Variants in MYO5B observed in about 807,000 individuals in gnomAD.
MYO5B encodes the protein myosin VB, also known as unconventional myosin-Vb.
Under a neutral mutation model 229.3 loss-of-function variants are expected in MYO5B, and 143 were observed. The ratio of observed to expected loss-of-function variants is 0.62; its 90% CI spans 0.54 to 0.72. The LOEUF (loss-of-function observed/expected upper bound fraction) is 0.72. MYO5B is among the 30% of genes least tolerant of loss of function. The pLI is 0.00. For synonymous variants in MYO5B, 918 were observed against 885.2 expected (o/e 1.04, Z -0.66); for missense variants, 2,321 against 2,331.0 (o/e 1.00, Z 0.09).
At chr18:50,045,114 C>T (rs1371348143) in intron 2 of MYO5B, among the ~76,000 whole-genome samples, 3 of 152,056 alleles carry the variant, frequency 2.0e-5, no homozygotes, top group African/African-American at 4.8e-5. Flanking sequence ...GACATTGTCA[C>T]GGTTAAGAGT....
Position 49,980,469 on chromosome 18 carries a change from C to T in MYO5B, c.1031G>A (p.Arg344His), listed in dbSNP as rs189027956. 1.4e-3 allele frequency: 2,228 copies of T among 1,613,206 alleles called. 14 individuals carry two copies. The highest frequency in any genetic ancestry group is 9.6e-3 in the Middle Eastern group (58 of 6,062). ...TGATATACTACAGGAATCACCATCA[C>T]GCTCAGCCTGAATCGCCACACTTCC... ...HLGSVAIQAE[R>H]DGDSCSISPQ... is the part of the protein sequence containing the mutation. Residue 344 changes from arginine (R) to histidine (H), a missense_variant, in exon 9 of 40, where the codon CGT becomes CAT. Around this residue, in one of 2 missense-constraint regions of MYO5B, gnomAD observed 2,113 missense variants for 2,044.7 expected, o/e 1.03. Coordinates refer to ENST00000285039, the MANE Select transcript of MYO5B (RefSeq NM_001080467.3).
chr18:50,016,670 C>T (rs1480917887), intron 4 of MYO5B, among the ~76,000 whole-genome samples: 1 of 152,118 alleles, frequency 6.6e-6, no homozygotes, highest in Non-Finnish European at 1.5e-5. Flanking sequence ...AGATGTAATT[C>T]ATATATCATA....
At chr18:50,119,561 A>G (rs978442626) in intron 1 of MYO5B, among the ~76,000 whole-genome samples, 1 of 152,196 alleles carries the variant, frequency 6.6e-6, no homozygotes, top group African/African-American at 2.4e-5. Context: ...CCTCATCCTG[A>G]AGATGAGAAA....
At chr18:50,050,193 C>G (rs2030355174) in intron 2 of MYO5B, among the ~76,000 whole-genome samples, 1 of 152,102 alleles carries the variant, frequency 6.6e-6, no homozygotes, top group Non-Finnish European at 1.5e-5. Context: ...ACTAAAATGG[C>G]CAGCTAAAAG....
At chr18:50,018,155 G>A (rs1268658661) in intron 4 of MYO5B, among the ~76,000 whole-genome samples, 2 of 152,166 alleles carry the variant, frequency 1.3e-5, no homozygotes, top group Non-Finnish European at 2.9e-5. Context: ...TGTGGTCATA[G>A]CTCACCACAG....
At chr18:49,902,174 GA>G (rs2024848900) in intron 21 of MYO5B, among the ~76,000 whole-genome samples, 2 of 152,194 alleles carry the variant, frequency 1.3e-5, no homozygotes, top group Non-Finnish European at 2.9e-5. Context: ...CGCTCTAGGG[GA>G]GAGTCCATGT....
chr18:50,041,644 C>A (rs2030018201), intron 2 of MYO5B, among the ~76,000 whole-genome samples: 1 of 151,628 alleles, frequency 6.6e-6, no homozygotes, highest in Middle Eastern at 3.2e-3. Context: ...TCTCTCTTAC[C>A]AAAATAAGTT....
chr18:50,036,602 T>C (rs1400969997), intron 4 of MYO5B, among the ~76,000 whole-genome samples: 2 of 152,198 alleles, frequency 1.3e-5, no homozygotes, highest in Non-Finnish European at 2.9e-5. Context: ...ATTTATTCCA[T>C]TGCTCAAAAA....
At chr18:49,862,885 G>A (rs975583537) in intron 29 of MYO5B, among the ~76,000 whole-genome samples, 6 of 150,632 alleles carry the variant, frequency 4.0e-5, no homozygotes, top group African/African-American at 1.5e-4. Flanking sequence ...TCTGCTGCCA[G>A]TTAGCCACCC....
At chr18:49,942,517 A>AG (rs1343671115) in intron 14 of MYO5B, among the ~76,000 whole-genome samples, 1 of 152,014 alleles carries the variant, frequency 6.6e-6, no homozygotes, top group African/African-American at 2.4e-5. Flanking sequence ...CAAATTTACA[A>AG]GAAAAAAACA....
At chr18:50,135,102 T>G (rs981385529) in intron 1 of MYO5B, among the ~76,000 whole-genome samples, 4 of 152,108 alleles carry the variant, frequency 2.6e-5, no homozygotes, top group Non-Finnish European at 2.9e-5. Context: ...GCAACAAGAG[T>G]CTATTTCTCC....
chr18:50,106,405 G>C (rs2031760879), intron 1 of MYO5B, among the ~76,000 whole-genome samples: 1 of 152,182 alleles, frequency 6.6e-6, no homozygotes, highest in Non-Finnish European at 1.5e-5. Flanking sequence ...TGGGACCCAA[G>C]TCCTAGTGTG....
intron 9 of MYO5B, among the ~76,000 whole-genome samples, chr18:49,975,048 G>A (rs17715519): frequency 0.066 from 10,112 of 152,254 alleles, 437 homozygotes; most frequent in Non-Finnish European, 0.1. Context: ...CAATCCATTC[G>A]GAGTAACGAA....
intron 22 of MYO5B, among the ~76,000 whole-genome samples, chr18:49,889,736 G>A (rs1024232094): frequency 5.9e-5 from 9 of 152,204 alleles, no homozygotes; most frequent in Non-Finnish European, 8.8e-5. Flanking sequence ...AGCACAGAGC[G>A]CATGACATCA....
chr18:49,849,683 G>C (rs774679577), intron 31 of MYO5B, 23 bp from the exon 32 acceptor site: 63 of 1,578,962 alleles, frequency 4.0e-5, no homozygotes, highest in Non-Finnish European at 5.2e-5. Context: ...GAAGCAGTGT[G>C]AGAACAGACA....
intron 2 of MYO5B, among the ~76,000 whole-genome samples, chr18:50,052,307 A>T (rs186122426): frequency 1.3e-5 from 2 of 151,170 alleles, no homozygotes; most frequent in Non-Finnish European, 2.9e-5. Context: ...AACCAACCCA[A>T]ATGTCCAACA....
chr18:49,861,971 A>G (rs1157355628), intron 29 of MYO5B, among the ~76,000 whole-genome samples: 3 of 151,370 alleles, frequency 2.0e-5, no homozygotes, highest in Admixed American at 2.0e-4. Context: ...AGAGAAAGGT[A>G]GCCAGGGAAG....
At chr18:49,834,053 C>CTAAA (rs1393196315) in intron 39 of MYO5B, among the ~76,000 whole-genome samples, 2 of 152,170 alleles carry the variant, frequency 1.3e-5, no homozygotes, top group African/African-American at 4.8e-5. Flanking sequence ...AGATGCTGGG[C>CTAAA]TAAAGTTCAT....
At chr18:50,021,249 A>G (rs527658729) in intron 4 of MYO5B, among the ~76,000 whole-genome samples, 2 of 152,326 alleles carry the variant, frequency 1.3e-5, no homozygotes, top group East Asian at 3.9e-4. Context: ...GGAGCAAATT[A>G]TTTAGTGCAA....
Sources: gnomAD v4.1 joint callset for allele counts (sites outside exome capture counted in the v4.1 genomes callset) on GRCh38, gnomAD v4.1.1 for gene constraint, gnomAD v4.1.1 regional missense constraint, MANE v1.5 for transcripts, NCBI Gene and HGNC (gene_info 2026-07-23, HGNC 2026-07-21) for gene names.